ANKS1B: variants seen among roughly 807,000 people sequenced by gnomAD.
ANKS1B encodes the protein ankyrin repeat and sterile alpha motif domain-containing protein 1B.
A neutral mutation model predicts 148.3 loss-of-function variants in ANKS1B; 36 were observed. The ratio of observed to expected loss-of-function variants is 0.24; its 90% CI spans 0.19 to 0.32. ANKS1B has a LOEUF of 0.32. Ranked by LOEUF, ANKS1B falls within the 10% of genes least tolerant of loss-of-function variation. The pLI is 1.00. For synonymous variants in ANKS1B, 542 were observed against 560.8 expected (o/e 0.97, Z 0.47); for missense variants, 1,157 against 1,542.6 (o/e 0.75, Z 4.19).
At chr12:99,963,012 A>C (rs964960987) in intron 1 of ANKS1B, among the ~76,000 whole-genome samples, 2 of 151,876 alleles carry the variant, frequency 1.3e-5, no homozygotes, top group South Asian at 2.1e-4. Flanking sequence ...ACGGGGTTTC[A>C]CCGTGTTAGC....
intron 12 of ANKS1B, among the ~76,000 whole-genome samples, chr12:99,357,659 T>C (rs2092125922): frequency 6.6e-6 from 1 of 152,180 alleles, no homozygotes; most frequent in African/African-American, 2.4e-5. Flanking sequence ...CCTACTATTA[T>C]GTCCCTAACA....
intron 2 of ANKS1B, among the ~76,000 whole-genome samples, chr12:99,823,716 T>C (rs2082803963): frequency 6.6e-6 from 1 of 152,234 alleles, no homozygotes; most frequent in African/African-American, 2.4e-5. Flanking sequence ...TTCTTATAGT[T>C]TGAGATCTTA....
At chr12:99,550,271 A>C (rs996992503) in intron 9 of ANKS1B, among the ~76,000 whole-genome samples, 5 of 152,204 alleles carry the variant, frequency 3.3e-5, no homozygotes, top group Admixed American at 2.6e-4. Flanking sequence ...ACTTGTGTCA[A>C]AATCATAAGG....
intron 12 of ANKS1B, among the ~76,000 whole-genome samples, chr12:99,322,477 T>TAAA (rs757165561): frequency 1.5e-5 from 1 of 65,618 alleles, no homozygotes; most frequent in Non-Finnish European, 3.4e-5. Flanking sequence ...GAACTTAAAG[T>TAAA]AAAAAAAAAA....
At chr12:99,474,707 A>G (rs997943853) in intron 10 of ANKS1B, among the ~76,000 whole-genome samples, 25 of 152,172 alleles carry the variant, frequency 1.6e-4, no homozygotes, top group Admixed American at 1.5e-3. Flanking sequence ...GACAAACATG[A>G]AGAAATTTAT....
intron 17 of ANKS1B, among the ~76,000 whole-genome samples, chr12:99,014,886 T>C (rs2099941485): frequency 6.6e-6 from 1 of 152,150 alleles, no homozygotes; most frequent in East Asian, 1.9e-4. Flanking sequence ...GGTGAGGTTG[T>C]GGAGAAAAAG....
chr12:99,281,002 G>A (rs555379701), intron 12 of ANKS1B, among the ~76,000 whole-genome samples: 1 of 151,706 alleles, frequency 6.6e-6, no homozygotes, highest in Non-Finnish European at 1.5e-5. Flanking sequence ...ACTAACACAT[G>A]AGCCTAAACC....
intron 17 of ANKS1B, among the ~76,000 whole-genome samples, chr12:98,846,082 T>A (rs1567102390): frequency 6.6e-6 from 1 of 151,914 alleles, no homozygotes; most frequent in South Asian, 2.1e-4. Context: ...ATTGACAGTC[T>A]TTAATTCTTC....
chr12:99,692,966 T>C (rs1395558239), intron 8 of ANKS1B, among the ~76,000 whole-genome samples: 1 of 152,194 alleles, frequency 6.6e-6, no homozygotes, highest in African/African-American at 2.4e-5. Flanking sequence ...AGGCAGTATG[T>C]AAAGCAAAAG....
At chr12:99,282,987 C>T (rs1181570222) in intron 12 of ANKS1B, among the ~76,000 whole-genome samples, 2 of 152,084 alleles carry the variant, frequency 1.3e-5, no homozygotes, top group East Asian at 1.9e-4. Flanking sequence ...AAAGAAATAG[C>T]GGAGACAAGA....
At position 98,791,214 on chromosome 12, in the gene ANKS1B, G is replaced by A. The variant is rs372111361; in HGVS notation, c.3342+7720C>T. The stretch of plus-strand genomic sequence containing the variant: ...ACAAAAATTAGCCGGACGTGGTGGC[G>A]GATGCCTGTAGTCCCAGCTACTCAG... On this transcript the variant is annotated intron_variant, in intron 22 of 26. Transcript: ENST00000683438. Among the ~76,000 whole-genome samples, 184 of 152,090 alleles carry A rather than the reference G, an allele frequency of 1.2e-3. 4 individuals carry two copies. In the South Asian group the frequency reaches 0.027, roughly 22 times the overall value.
chr12:98,757,974 T>C (rs1416072553), intron 25 of ANKS1B, among the ~76,000 whole-genome samples: 3 of 115,912 alleles, frequency 2.6e-5, no homozygotes, highest in African/African-American at 6.2e-5. Context: ...GGGGTGCAGG[T>C]GTGAGGGTTG....
chr12:99,425,938 T>G (rs1201623140), intron 11 of ANKS1B, among the ~76,000 whole-genome samples: 1 of 152,158 alleles, frequency 6.6e-6, no homozygotes, highest in Non-Finnish European at 1.5e-5. Flanking sequence ...ATCTTTTCCT[T>G]TGGTATTACT....
intron 12 of ANKS1B, among the ~76,000 whole-genome samples, chr12:99,395,912 G>A (rs2094227246): frequency 6.6e-6 from 1 of 152,088 alleles, no homozygotes; most frequent in South Asian, 2.1e-4. Flanking sequence ...AAAATGAAAT[G>A]TAGATTAATC....
At position 99,706,015 on chromosome 12, in the gene ANKS1B, CATT is replaced by C. The variant is rs2041465264; in HGVS notation, c.1129-50808_1129-50806del. On this transcript the variant is annotated intron_variant, in intron 8 of 26. Coordinates refer to ENST00000683438, the MANE Select transcript of ANKS1B (RefSeq NM_001352186.2). ...CAGGGTTTAGCCTATGGATCAGTAA[CATT>C]ATAAATAATGTCTGTCGACAAACAT... Among the ~76,000 whole-genome samples, 3 of 152,172 alleles carry C rather than the reference CATT, an allele frequency of 2.0e-5. No homozygotes were observed. The South Asian group carries it at 6.2e-4, about 32-fold the overall frequency.
At chr12:99,746,182 A>AT (rs1315504072) in intron 8 of ANKS1B, among the ~76,000 whole-genome samples, 2 of 152,274 alleles carry the variant, frequency 1.3e-5, no homozygotes, top group Non-Finnish European at 2.9e-5. Context: ...AATGAATTTT[A>AT]TTTCCCCAAG....
chr12:99,364,827 A>G (rs1330316171), intron 12 of ANKS1B, among the ~76,000 whole-genome samples: 1 of 152,144 alleles, frequency 6.6e-6, no homozygotes, highest in African/African-American at 2.4e-5. Flanking sequence ...GATTATTGCT[A>G]TACTCCCACC....
chr12:99,027,072 A>AC (rs1256998588), intron 17 of ANKS1B, among the ~76,000 whole-genome samples: 1 of 152,224 alleles, frequency 6.6e-6, no homozygotes, highest in Admixed American at 6.5e-5. Context: ...CTTCTCAAAT[A>AC]ATAGAGATCC....
At chr12:99,461,660 C>A (rs561826263) in intron 10 of ANKS1B, among the ~76,000 whole-genome samples, 1 of 152,244 alleles carries the variant, frequency 6.6e-6, no homozygotes, top group East Asian at 1.9e-4. Context: ...AGAGAATTAG[C>A]ATGTATCTCC....
Sources: gnomAD v4.1 joint callset for allele counts (sites outside exome capture counted in the v4.1 genomes callset) on GRCh38, gnomAD v4.1.1 for gene constraint, MANE v1.5 for transcripts, NCBI Gene and HGNC (gene_info 2026-07-23, HGNC 2026-07-21) for gene names.